The following PREX1 variants were observed in gnomAD, a reference collection of about 807,000 sequenced individuals.
The protein encoded by PREX1 is phosphatidylinositol-3,4,5-trisphosphate dependent Rac exchange factor 1.
Under a neutral mutation model 198.3 loss-of-function variants are expected in PREX1, and 41 were observed. The ratio of observed to expected loss-of-function variants is 0.21; its 90% CI spans 0.16 to 0.27. The LOEUF is 0.27. PREX1 is among the 10% of genes least tolerant of loss of function. The pLI, the probability that PREX1 is intolerant of heterozygous loss-of-function variation, is 1.00. For missense variants in PREX1, 1,620 were observed against 2,200.7 expected (o/e 0.74, Z 5.28); for synonymous variants, 843 against 887.2 (o/e 0.95, Z 0.89).
In PREX1 at chr20:48,793,079, C is replaced by T. The variant is rs2090345798; in HGVS notation, c.219+34563G>A. ...AATTAGCCTGACATGGTGGTATGCG[C>T]CTGTAGTTCCAGCTACTTGGAAGGC... On this transcript the variant is annotated intron_variant, in intron 1 of 39. Coordinates refer to ENST00000371941, the MANE Select transcript of PREX1 (RefSeq NM_020820.4). Among the ~76,000 whole-genome samples, 4 of 152,110 alleles carry T rather than the reference C, an allele frequency of 2.6e-5. No homozygotes were observed. The South Asian group carries it at 8.3e-4, about 31-fold the overall frequency.
chr20:48,786,993 T>A (rs1294193534), intron 1 of PREX1, among the ~76,000 whole-genome samples: 2 of 91,226 alleles, frequency 2.2e-5, no homozygotes, highest in African/African-American at 8.4e-5. Flanking sequence ...CACAACACAC[T>A]CCAAGAACCT....
chr20:48,793,598 G>A (rs1306998780), intron 1 of PREX1, among the ~76,000 whole-genome samples: 1 of 152,208 alleles, frequency 6.6e-6, no homozygotes, highest in Non-Finnish European at 1.5e-5. Context: ...AGAGGGTTAC[G>A]TGATTTTTCC....
At chr20:48,792,802 CAAA>C (rs200047465) in intron 1 of PREX1, among the ~76,000 whole-genome samples, 1,919 of 95,250 alleles carry the variant, frequency 0.02, 41 homozygotes, top group African/African-American at 0.074. Context: ...AAGCCAGATA[CAAA>C]AAAAAAAAAA....
chr20:48,747,894 G>A lies in PREX1; in HGVS notation c.220-14C>T, dbSNP rs375482419. ...ATGCAGGAATGCCTGGAGGAGAGAA[G>A]CAGAGAGAGGTGAGTGTCCGCGTCT... On this transcript the variant is annotated splice_polypyrimidine_tract_variant and intron_variant, in intron 1 of 39. Transcript: ENST00000371941. 3.4e-4 allele frequency: 548 copies of A among 1,609,046 alleles called. No individual in the cohort carries two copies. Among genetic ancestry groups the A allele is most frequent in the Non-Finnish European group, 4.4e-4 (518 of 1,177,008 alleles).
chr20:48,840,108 G>A, the PREX1 span, among the ~76,000 whole-genome samples: 9 of 152,030 alleles, frequency 5.9e-5, no homozygotes, highest in South Asian at 1.2e-3. Flanking sequence ...TTGACCTCCC[G>A]GACTCAAGCC....
At chr20:48,664,145 C>T (rs1222915285) in intron 15 of PREX1, among the ~76,000 whole-genome samples, 2 of 152,154 alleles carry the variant, frequency 1.3e-5, no homozygotes, top group Non-Finnish European at 2.9e-5. Context: ...GAAGCCAAGG[C>T]GGGCAGATCA....
chr20:48,704,304 G>A (rs1410015874), intron 6 of PREX1, among the ~76,000 whole-genome samples: 1 of 152,232 alleles, frequency 6.6e-6, no homozygotes, highest in African/African-American at 2.4e-5. Flanking sequence ...CGATAGTCTA[G>A]AGCAGGAGTC....
intron 25 of PREX1, 24 bp downstream of exon 25, chr20:48,649,276 C>T (rs920840538): frequency 9.4e-6 from 15 of 1,602,368 alleles, no homozygotes; most frequent in African/African-American, 4.0e-5. Flanking sequence ...CTGCTCACGC[C>T]GGACACCCCC....
At chr20:48,792,856 A>G (rs1442367097) in intron 1 of PREX1, among the ~76,000 whole-genome samples, 1 of 150,054 alleles carries the variant, frequency 6.7e-6, no homozygotes, top group East Asian at 1.9e-4. Context: ...ACACACACAT[A>G]GTATGATTCC....
chr20:48,764,408 G>A (rs557626536), intron 1 of PREX1, among the ~76,000 whole-genome samples: 1 of 152,294 alleles, frequency 6.6e-6, no homozygotes, highest in Non-Finnish European at 1.5e-5. Flanking sequence ...CTCTGCAGAT[G>A]TGATTAAGGT....
intron 7 of PREX1, among the ~76,000 whole-genome samples, chr20:48,697,493 G>A (rs913968237): frequency 6.6e-6 from 1 of 151,570 alleles, no homozygotes; most frequent in African/African-American, 2.4e-5. Context: ...TGATTCTCCT[G>A]CCTCAGCCTC....
intron 19 of PREX1, among the ~76,000 whole-genome samples, chr20:48,653,759 G>A (rs1026737266): frequency 1.3e-5 from 2 of 152,242 alleles, no homozygotes; most frequent in Admixed American, 6.5e-5. Flanking sequence ...ATTCAGGCCC[G>A]TTTCACTCTA....
At chr20:48,721,264 C>G (rs2089983983) in intron 5 of PREX1, among the ~76,000 whole-genome samples, 1 of 152,172 alleles carries the variant, frequency 6.6e-6, no homozygotes, top group African/African-American at 2.4e-5. Context: ...CAAAATCAAT[C>G]AGGACACCAA....
At chr20:48,814,665 A>C (rs990640456) in intron 1 of PREX1, among the ~76,000 whole-genome samples, 2 of 152,126 alleles carry the variant, frequency 1.3e-5, no homozygotes, top group African/African-American at 4.8e-5. Flanking sequence ...CATCATAAGG[A>C]GCTGGGATTC....
At chr20:48,639,940 G>A (rs765828489) in intron 29 of PREX1, 46 bp from the exon 30 acceptor site, 26 of 1,601,974 alleles carry the variant, frequency 1.6e-5, no homozygotes, top group South Asian at 3.3e-5. Flanking sequence ...GACGGAGGTA[G>A]TGTTGGAGAA....
chr20:48,712,111 T>C (rs1488004659), intron 5 of PREX1, among the ~76,000 whole-genome samples: 2 of 152,216 alleles, frequency 1.3e-5, no homozygotes, highest in Non-Finnish European at 2.9e-5. Flanking sequence ...TTGTGGCACT[T>C]GGGATAAATT....
intron 15 of PREX1, among the ~76,000 whole-genome samples, chr20:48,664,903 CCCAGACGGCCTGAATTCTAATCCCGACT>C (rs1568812228): frequency 6.8e-5 from 8 of 117,334 alleles, no homozygotes; most frequent in Admixed American, 9.6e-5. Context: ...CTAATCCCGG[CCCAGACGGCCTGAATTCTAATCCCGACT>C]CCAGACGGCC....
At chr20:48,794,451 A>C (rs1428037697) in intron 1 of PREX1, among the ~76,000 whole-genome samples, 1 of 152,220 alleles carries the variant, frequency 6.6e-6, no homozygotes, top group African/African-American at 2.4e-5. Context: ...AGAAGGAAAG[A>C]GGCCAGGAGG....
intron 35 of PREX1, among the ~76,000 whole-genome samples, chr20:48,631,422 T>C (rs1310064099): frequency 6.6e-6 from 1 of 152,180 alleles, no homozygotes; most frequent in African/African-American, 2.4e-5. Flanking sequence ...TCACTGCACA[T>C]TCCCAAACAA....
Sources: gnomAD v4.1 joint callset for allele counts (sites outside exome capture counted in the v4.1 genomes callset) on GRCh38, gnomAD v4.1.1 for gene constraint, MANE v1.5 for transcripts, NCBI Gene and HGNC (gene_info 2026-07-23, HGNC 2026-07-21) for gene names.